The following ZNF385D variants were observed in gnomAD, a reference collection of about 807,000 sequenced individuals.
The protein encoded by ZNF385D is zinc finger protein 385D.
A neutral mutation model predicts 35.8 loss-of-function variants in ZNF385D; 15 were observed. The ratio of observed to expected loss-of-function variants is 0.42; its 90% CI spans 0.28 to 0.64. ZNF385D has a LOEUF of 0.64. Ranked by LOEUF, ZNF385D falls within the 30% of genes least tolerant of loss-of-function variation. The probability of loss-of-function intolerance (pLI) is 0.23; values close to 1 mark genes in which losing one functional copy is unlikely to be tolerated. For missense variants in ZNF385D, 474 were observed against 494.6 expected, an observed-to-expected ratio of 0.96 and a Z score of 0.39; for synonymous variants, 212 against 186.8, an observed-to-expected ratio of 1.13 and a Z score of -1.10.
chr3:21,704,322 A>G (rs1464728998), intron 1 of ZNF385D, among the ~76,000 whole-genome samples: 1 of 152,024 alleles, frequency 6.6e-6, no homozygotes, highest in Non-Finnish European at 1.5e-5. Flanking sequence ...TTCCAGATGA[A>G]AAGCCCTGCT....
chr3:22,040,453 T>A (rs1018358078), intron 3 of ZNF385D, among the ~76,000 whole-genome samples: 2 of 152,138 alleles, frequency 1.3e-5, no homozygotes, highest in Admixed American at 1.3e-4. Context: ...AGCCCAGCAA[T>A]GTGACTCCAA....
intron 3 of ZNF385D, among the ~76,000 whole-genome samples, chr3:21,950,496 T>C (rs1702011677): frequency 6.6e-6 from 1 of 151,812 alleles, no homozygotes; most frequent in East Asian, 1.9e-4. Flanking sequence ...TCCCATTCTG[T>C]AGGTTGCCTG....
At chr3:22,251,364 C>T (rs1341412076) in intron 2 of ZNF385D, among the ~76,000 whole-genome samples, 1 of 152,078 alleles carries the variant, frequency 6.6e-6, no homozygotes, top group Non-Finnish European at 1.5e-5. Context: ...TAATGGTTGT[C>T]TTCCACAAAA....
chr3:21,514,778 T>G (rs896191786), intron 3 of ZNF385D, among the ~76,000 whole-genome samples: 5 of 152,080 alleles, frequency 3.3e-5, no homozygotes, highest in African/African-American at 1.2e-4. Flanking sequence ...GGCTGTCAAA[T>G]TCTTGTATTG....
At chr3:21,768,625 T>C (rs2070937164) in intron 3 of ZNF385D, among the ~76,000 whole-genome samples, 1 of 151,982 alleles carries the variant, frequency 6.6e-6, no homozygotes, top group Admixed American at 6.6e-5. Flanking sequence ...ACATAGCTCA[T>C]AGGAACCAGG....
chr3:21,753,940 G>C (rs1575593089), upstream of ZNF385D, among the ~76,000 whole-genome samples: 1 of 152,080 alleles, frequency 6.6e-6, no homozygotes, highest in African/African-American at 2.4e-5. Context: ...TTGGGTATTT[G>C]TTTTTATGTA....
chr3:22,107,395 G>C (rs954410197), intron 3 of ZNF385D, among the ~76,000 whole-genome samples: 8 of 151,852 alleles, frequency 5.3e-5, no homozygotes, highest in African/African-American at 1.7e-4. Flanking sequence ...ATTTTTTTCT[G>C]AGAGTCAGGA....
At chr3:21,480,457 G>C (rs902405710) in intron 4 of ZNF385D, among the ~76,000 whole-genome samples, 2 of 152,060 alleles carry the variant, frequency 1.3e-5, no homozygotes, top group Admixed American at 1.3e-4. Context: ...GGAACCCCAG[G>C]AGGATGAGTT....
At chr3:21,664,847 C>T in intron 2 of ZNF385D, 39 bp downstream of exon 2, 2 of 1,612,656 alleles carry the variant, frequency 1.2e-6, no homozygotes, top group East Asian at 4.5e-5. Context: ...TTTTCCAATA[C>T]CTTCCACTCA....
At chr3:22,168,572 C>G (rs951506640) in intron 3 of ZNF385D, 1 of 154,262 alleles carries the variant, frequency 6.5e-6, no homozygotes, top group Non-Finnish European at 1.4e-5. Context: ...AACTCTAAAA[C>G]TCTAACAACT....
intron 4 of ZNF385D, among the ~76,000 whole-genome samples, chr3:21,476,420 T>C (rs1191581471): frequency 6.6e-6 from 1 of 152,078 alleles, no homozygotes; most frequent in African/African-American, 2.4e-5. Flanking sequence ...TTCTAAAAAT[T>C]AGACCTGATC....
intron 3 of ZNF385D, among the ~76,000 whole-genome samples, chr3:21,522,051 G>C (rs1707941185): frequency 6.6e-6 from 1 of 152,106 alleles, no homozygotes; most frequent in Non-Finnish European, 1.5e-5. Context: ...TGAATGTTCT[G>C]TATAAATCAA....
chr3:22,174,937 A>G (rs1342684528), intron 2 of ZNF385D, among the ~76,000 whole-genome samples: 1 of 152,084 alleles, frequency 6.6e-6, no homozygotes, highest in Non-Finnish European at 1.5e-5. Flanking sequence ...ATATTCCCCA[A>G]ATTTTACAAA....
intron 2 of ZNF385D, among the ~76,000 whole-genome samples, chr3:22,183,624 A>C (rs11718261): frequency 5.3e-5 from 8 of 152,080 alleles, no homozygotes; most frequent in South Asian, 2.1e-4. Flanking sequence ...CCGAGAATGG[A>C]AAGTTTTAAA....
intron 2 of ZNF385D, among the ~76,000 whole-genome samples, chr3:22,302,089 C>G (rs1702933294): frequency 6.6e-6 from 1 of 151,932 alleles, no homozygotes; most frequent in Non-Finnish European, 1.5e-5. Context: ...TGCTTGTCTC[C>G]TTATGCACAC....
Position 21,935,486 on chromosome 3 carries a change from A to G in ZNF385D, c.325+233331T>C, listed in dbSNP as rs1305874323. Among the ~76,000 whole-genome samples, 3 of 152,142 alleles carry G rather than the reference A, an allele frequency of 2.0e-5. No individual in the cohort carries two copies. The East Asian group carries it at 5.8e-4, about 29-fold the overall frequency. ...AACTGGCAAGTGGGTTTGAACCTAG[A>G]TAGTTAAGTCACATGCTACAGCCTC... On this transcript the variant is annotated intron_variant, in intron 3 of 5. Coordinates refer to the ZNF385D transcript ENST00000494108.
At chr3:21,499,048 G>A (rs1706158741) in intron 4 of ZNF385D, among the ~76,000 whole-genome samples, 1 of 151,440 alleles carries the variant, frequency 6.6e-6, no homozygotes, top group Non-Finnish European at 1.5e-5. Flanking sequence ...AACTAGTTCA[G>A]CCATGATGGA....
chr3:22,341,032 G>A (rs78195209), intron 2 of ZNF385D, among the ~76,000 whole-genome samples: 1 of 152,264 alleles, frequency 6.6e-6, no homozygotes, highest in African/African-American at 2.4e-5. Context: ...AGCAAGCAAG[G>A]TCTTTCAAAA....
At chr3:21,663,557 T>G (rs1334933401) in intron 2 of ZNF385D, among the ~76,000 whole-genome samples, 2 of 151,984 alleles carry the variant, frequency 1.3e-5, no homozygotes, top group African/African-American at 4.8e-5. Flanking sequence ...CCCAGGGGAT[T>G]TCAGTGTAGT....
Sources: gnomAD v4.1 joint callset for allele counts (sites outside exome capture counted in the v4.1 genomes callset) on GRCh38, gnomAD v4.1.1 for gene constraint, MANE v1.5 for transcripts, NCBI Gene and HGNC (gene_info 2026-07-23, HGNC 2026-07-21) for gene names.